ENTREP2: variants seen among roughly 807,000 people sequenced by gnomAD.
The protein encoded by ENTREP2 is endosomal transmembrane epsin interactor 2, also known as protein ENTREP2.
chr15:29,505,387 C>A, the ENTREP2 span, among the ~76,000 whole-genome samples: 1 of 152,212 alleles, frequency 6.6e-6, no homozygotes, highest in Non-Finnish European at 1.5e-5. This position sits in a 1 kb window ranked among gnomAD's most constrained non-coding sequence, Gnocchi z 4.3. Flanking sequence ...GATCTCTCAG[C>A]ACAGTGCTCG....
the ENTREP2 span, among the ~76,000 whole-genome samples, chr15:29,463,945 T>C: frequency 6.6e-6 from 1 of 152,102 alleles, no homozygotes; most frequent in African/African-American, 2.4e-5. Context: ...CTGAGTGAAA[T>C]AAGCCAGCCA....
the ENTREP2 span, chr15:29,373,627 T>TTTTA: frequency 1.9e-4 from 25 of 129,054 alleles, no homozygotes; most frequent in Non-Finnish European, 3.3e-4. Context: ...TTTTGCTTTC[T>TTTTA]TTTATTTTTA....
At chr15:29,335,244 C>T in the ENTREP2 span, among the ~76,000 whole-genome samples, 2 of 152,198 alleles carry the variant, frequency 1.3e-5, no homozygotes, top group African/African-American at 4.8e-5. Flanking sequence ...TCTTTCCAGA[C>T]TCGAACAGTT....
the ENTREP2 span, among the ~76,000 whole-genome samples, chr15:29,581,951 T>G: frequency 5.3e-5 from 8 of 151,874 alleles, no homozygotes; most frequent in African/African-American, 1.9e-4. Context: ...GGTTTTTTTT[T>G]TTTTTTTTTA....
chr15:29,328,019 C>G, the ENTREP2 span, among the ~76,000 whole-genome samples: 1 of 152,274 alleles, frequency 6.6e-6, no homozygotes, highest in East Asian at 1.9e-4. Context: ...TTGCCAAAAA[C>G]TGTAAACAAG....
the ENTREP2 span, among the ~76,000 whole-genome samples, chr15:29,582,397 T>A: frequency 6.6e-6 from 1 of 151,746 alleles, no homozygotes; most frequent in Non-Finnish European, 1.5e-5. Flanking sequence ...CAAAAAGCAG[T>A]ACAAGAGTGA....
chr15:29,444,170 CAAAGAAAGAAAGAAAGAAAG>C, the ENTREP2 span, among the ~76,000 whole-genome samples: 5,194 of 70,886 alleles, frequency 0.073, 223 homozygotes, highest in Non-Finnish European at 0.11. Context: ...GAAAGACAGA[CAAAGAAAGAAAGAAAGAAAG>C]AAAGAAAGAA....
chr15:29,175,651 C>A, the ENTREP2 span, among the ~76,000 whole-genome samples: 1 of 152,358 alleles, frequency 6.6e-6, no homozygotes, highest in South Asian at 2.1e-4. Context: ...GTCACCCAGG[C>A]TGGAGTGCAG....
the ENTREP2 span, chr15:29,196,589 C>T: frequency 6.5e-7 from 1 of 1,538,182 alleles, no homozygotes; most frequent in Non-Finnish European, 8.8e-7. Flanking sequence ...ACAGACAGAC[C>T]TCACCGTTAA....
chr15:29,208,379 T>C, the ENTREP2 span, among the ~76,000 whole-genome samples: 2 of 152,210 alleles, frequency 1.3e-5, no homozygotes, highest in Non-Finnish European at 2.9e-5. Flanking sequence ...GGGAATTAGC[T>C]GACTCCTTAA....
At chr15:29,180,838 A>G in the ENTREP2 span, among the ~76,000 whole-genome samples, 1 of 152,132 alleles carries the variant, frequency 6.6e-6, no homozygotes. Flanking sequence ...CTAGACATCA[A>G]AACTTAGCGT....
At chr15:29,207,651 G>A in the ENTREP2 span, among the ~76,000 whole-genome samples, 2 of 152,162 alleles carry the variant, frequency 1.3e-5, 1 homozygote, top group Admixed American at 1.3e-4. Context: ...CTAGCTATAG[G>A]GTGCTGATTG....
the ENTREP2 span, among the ~76,000 whole-genome samples, chr15:29,597,982 C>A: frequency 2.6e-5 from 4 of 151,980 alleles, no homozygotes; most frequent in African/African-American, 9.7e-5. Flanking sequence ...ATTAGCCAGG[C>A]CTCATGGCAT....
chr15:29,252,375 C>T, the ENTREP2 span: 1 of 1,547,678 alleles, frequency 6.5e-7, no homozygotes, highest in Non-Finnish European at 8.7e-7. Flanking sequence ...TACCAACTGG[C>T]AGCCTTCTAG....
the ENTREP2 span, chr15:29,137,314 A>G: frequency 1.6e-3 from 1,495 of 907,480 alleles, 1 homozygote; most frequent in Non-Finnish European, 2.1e-3. Flanking sequence ...TCAACTGTCA[A>G]GCCATGACTG....
chr15:29,525,328 A>C, the ENTREP2 span, among the ~76,000 whole-genome samples: 1 of 152,260 alleles, frequency 6.6e-6, no homozygotes, highest in Non-Finnish European at 1.5e-5. Context: ...CACGCATAAC[A>C]ACCAATGTCC....
At chr15:29,327,540 A>C in the ENTREP2 span, among the ~76,000 whole-genome samples, 2 of 151,112 alleles carry the variant, frequency 1.3e-5, no homozygotes, top group African/African-American at 4.9e-5. Context: ...GCTTGCAGTG[A>C]GCCGAGATTG....
At chr15:29,192,165 G>T in the ENTREP2 span, among the ~76,000 whole-genome samples, 1 of 152,194 alleles carries the variant, frequency 6.6e-6, no homozygotes, top group African/African-American at 2.4e-5. Flanking sequence ...ATCTTACCAT[G>T]TAAAAGGAAG....
chr15:29,281,045 C>A, the ENTREP2 span, among the ~76,000 whole-genome samples: 1 of 152,240 alleles, frequency 6.6e-6, no homozygotes, highest in South Asian at 2.1e-4. Context: ...GGTTCATACT[C>A]TCATGCATTT....
Sources: gnomAD v4.1 joint callset for allele counts (sites outside exome capture counted in the v4.1 genomes callset) on GRCh38, gnomAD v4.1.1 for gene constraint, Gnocchi (gnomAD v3.1) non-coding constraint, MANE v1.5 for transcripts, NCBI Gene and HGNC (gene_info 2026-07-23, HGNC 2026-07-21) for gene names.